COMMD1: variants seen among roughly 807,000 people sequenced by gnomAD.
The protein encoded by COMMD1 is copper metabolism domain containing 1.
In COMMD1, 10 loss-of-function variants were observed where a neutral mutation model predicts 17.2. That is an observed-to-expected ratio of 0.58 (90% confidence interval 0.36 to 0.99). The LOEUF is 0.99. COMMD1 is among the 50% of genes least tolerant of loss of function. The pLI is 0.01. For synonymous variants in COMMD1, 97 were observed against 91.6 expected (o/e 1.06, Z -0.34); for missense variants, 270 against 231.8 (o/e 1.17, Z -1.07).
At chr2:61,945,756 A>G (rs1431165126) in intron 1 of COMMD1, among the ~76,000 whole-genome samples, 1 of 152,188 alleles carries the variant, frequency 6.6e-6, no homozygotes, top group Non-Finnish European at 1.5e-5. Context: ...AGGGTCAGAC[A>G]ACTCGAAGTG....
At chr2:62,090,454 A>G (rs1022655635) in intron 2 of COMMD1, among the ~76,000 whole-genome samples, 73 of 152,190 alleles carry the variant, frequency 4.8e-4, no homozygotes, top group African/African-American at 1.5e-3. Flanking sequence ...CTTCTGGCCA[A>G]TTTGTCTCCA....
chr2:61,889,835 A>G (rs1406102648), intron 1 of COMMD1, among the ~76,000 whole-genome samples: 2 of 152,204 alleles, frequency 1.3e-5, no homozygotes, highest in African/African-American at 4.8e-5. Context: ...AAACATTATA[A>G]TAAAGATCAT....
intron 2 of COMMD1, among the ~76,000 whole-genome samples, chr2:62,058,707 C>G (rs1292868557): frequency 6.6e-6 from 1 of 151,924 alleles, no homozygotes; most frequent in Non-Finnish European, 1.5e-5. Flanking sequence ...CTACTACACT[C>G]AGCCTAGGTG....
intron 2 of COMMD1, among the ~76,000 whole-genome samples, chr2:62,058,256 A>G (rs1371475182): frequency 6.6e-6 from 1 of 152,218 alleles, no homozygotes; most frequent in Non-Finnish European, 1.5e-5. Context: ...TGTTCACATG[A>G]TCTATGTCCA....
chr2:61,896,228 G>T (rs1276461140), intron 1 of COMMD1, among the ~76,000 whole-genome samples: 1 of 152,190 alleles, frequency 6.6e-6, no homozygotes, highest in Non-Finnish European at 1.5e-5. Context: ...CAATGCAACA[G>T]CGTTGGGAAG....
chr2:61,901,261 T>TA (rs1558514980), upstream of COMMD1, among the ~76,000 whole-genome samples: 4 of 151,988 alleles, frequency 2.6e-5, no homozygotes, highest in African/African-American at 9.7e-5. Context: ...CACATTTTTT[T>TA]AAAAAAAGCA....
intron 1 of COMMD1, among the ~76,000 whole-genome samples, chr2:61,913,366 CA>C (rs767142777): frequency 4.5e-3 from 188 of 42,002 alleles, no homozygotes; most frequent in Middle Eastern, 0.043. Flanking sequence ...GACTCCATCT[CA>C]AAAAAAAAAA....
chr2:61,982,129 C>G (rs761077430), intron 1 of COMMD1, among the ~76,000 whole-genome samples: 94 of 152,172 alleles, frequency 6.2e-4, no homozygotes, highest in Non-Finnish European at 9.4e-4. Flanking sequence ...CATGGAATAT[C>G]TTTTCATTTT....
intron 1 of COMMD1, among the ~76,000 whole-genome samples, chr2:61,990,365 A>G (rs1672215239): frequency 6.6e-6 from 1 of 152,186 alleles, no homozygotes; most frequent in African/African-American, 2.4e-5. Context: ...TTTAGAGATA[A>G]TTATAGTTTG....
chr2:62,114,207 A>T (rs947483495), intron 2 of COMMD1, among the ~76,000 whole-genome samples: 5 of 152,214 alleles, frequency 3.3e-5, no homozygotes, highest in African/African-American at 1.2e-4. Flanking sequence ...GTGGGTTTGT[A>T]CTTCTGTACT....
intron 1 of COMMD1, among the ~76,000 whole-genome samples, chr2:61,931,506 T>C (rs541641544): frequency 1.7e-4 from 26 of 152,352 alleles, no homozygotes; most frequent in Admixed American, 2.6e-4. Flanking sequence ...AAAGTTCTCA[T>C]GGGCAGAGCC....
rs375768177 is a variant in COMMD1, at chr2:61,985,262, G to T, written c.181-15439G>T. On this transcript the variant is annotated intron_variant, in intron 1 of 2. Transcript: ENST00000311832. The stretch of plus-strand genomic sequence containing the variant: ...AGACGGGGTTTCACCGTGTTAGCCA[G>T]GATGGTCTCGATCTCCTGACCTGGT... 1.5e-4 allele frequency among the ~76,000 whole-genome samples: 23 copies of T among 152,244 alleles called. No individual in the cohort carries two copies. The East Asian group carries it at 3.3e-3, about 22-fold the overall frequency.
chr2:61,932,455 T>A (rs1369716490), intron 1 of COMMD1, among the ~76,000 whole-genome samples: 1 of 152,224 alleles, frequency 6.6e-6, no homozygotes, highest in Non-Finnish European at 1.5e-5. Context: ...TTTTGTTTTT[T>A]GTTTCTTTCA....
chr2:61,892,555 G>A (rs1669458045), intron 1 of COMMD1, among the ~76,000 whole-genome samples: 1 of 151,918 alleles, frequency 6.6e-6, no homozygotes, highest in Non-Finnish European at 1.5e-5. Context: ...TTAGCCCGGT[G>A]TTGTGGCATG....
At chr2:61,998,896 A>G (rs1668843499) in intron 1 of COMMD1, among the ~76,000 whole-genome samples, 2 of 152,202 alleles carry the variant, frequency 1.3e-5, no homozygotes, top group East Asian at 3.8e-4. Context: ...ACATTTATCA[A>G]TTAGTTAGTT....
rs1558564707 is a variant in COMMD1, at chr2:62,019,047, T to TCCCTCCCTCCC, written c.462+18065_462+18066insCCCTCCCTCCC. On this transcript the variant is annotated intron_variant, in intron 2 of 2. Transcript: ENST00000311832. Reference sequence around the variant, plus strand: ...CTTCCCTCCCTCCCTCCCTCCCTCCTTCCTTCCTTTCTTTCTCTCTCTCTT... The same window carrying TCCCTCCCTCCC: ...CTTCCCTCCCTCCCTCCCTCCCTCCTCCCTCCCTCCCTCCTTCCTTTCTTTCTCTCTCTCTT... 4.2e-4 allele frequency among the ~76,000 whole-genome samples: 13 copies of TCCCTCCCTCCC among 31,080 alleles called. 1 individual carries two copies. Among genetic ancestry groups the TCCCTCCCTCCC allele is most frequent in the African/African-American group, 1.9e-3 (12 of 6,276 alleles). 20.4% of individuals were successfully genotyped at this position (31,080 alleles called of 152,430 possible).
chr2:62,047,648 T>G (rs2103910628), intron 2 of COMMD1, among the ~76,000 whole-genome samples: 1 of 152,100 alleles, frequency 6.6e-6, no homozygotes, highest in South Asian at 2.1e-4. Flanking sequence ...AGAGATGGGG[T>G]TTCACTGTGT....
chr2:61,929,075 A>G (rs1670398852), intron 1 of COMMD1, among the ~76,000 whole-genome samples: 1 of 152,202 alleles, frequency 6.6e-6, no homozygotes, highest in South Asian at 2.1e-4. Context: ...AGCCAGAGTT[A>G]TTATCAGTTC....
At chr2:62,063,590 C>T (rs1013597506) in intron 2 of COMMD1, among the ~76,000 whole-genome samples, 4 of 151,996 alleles carry the variant, frequency 2.6e-5, no homozygotes, top group Admixed American at 6.6e-5. Flanking sequence ...CTTAGAGTAG[C>T]GTTGCTACAT....
Sources: allele counts gnomAD v4.1 joint callset (sites outside exome capture counted in the v4.1 genomes callset), GRCh38; gene constraint gnomAD v4.1.1; transcripts MANE v1.5; gene names NCBI Gene and HGNC (gene_info 2026-07-23, HGNC 2026-07-21).